The following DLGAP1 variants were observed in gnomAD, a reference collection of about 807,000 sequenced individuals.
The protein encoded by DLGAP1 is disks large-associated protein 1.
A neutral mutation model predicts 90.8 loss-of-function variants in DLGAP1; 11 were observed. The observed-to-expected ratio is 0.12, with a 90% CI of 0.08 to 0.20. DLGAP1 has a LOEUF of 0.20. Ranked by LOEUF, DLGAP1 falls within the 10% of genes least tolerant of loss-of-function variation. The pLI, the probability that DLGAP1 is intolerant of heterozygous loss-of-function variation, is 1.00. For missense variants in DLGAP1, 1,050 were observed against 1,333.8 expected (o/e 0.79, Z 3.31); for synonymous variants, 558 against 540.7 (o/e 1.03, Z -0.44).
intron 12 of DLGAP1, among the ~76,000 whole-genome samples, chr18:3,501,272 C>A (rs1268404600): frequency 6.0e-5 from 9 of 151,044 alleles, no homozygotes; most frequent in Non-Finnish European, 1.2e-4. Flanking sequence ...GCTCTGGAAA[C>A]TAAATTACCA....
At chr18:3,754,819 C>T (rs2147848049) in intron 5 of DLGAP1, among the ~76,000 whole-genome samples, 1 of 151,806 alleles carries the variant, frequency 6.6e-6, no homozygotes, top group South Asian at 2.1e-4. Context: ...TTGCTTGAAC[C>T]CGGGGGTTGG....
At chr18:4,445,364 G>A (rs139414430) in intron 1 of DLGAP1, among the ~76,000 whole-genome samples, 2,422 of 150,284 alleles carry the variant, frequency 0.016, 79 homozygotes, top group African/African-American at 0.052. Flanking sequence ...AGTTACATAC[G>A]TATACATGTG....
chr18:4,107,524 G>T (rs2075890711), intron 2 of DLGAP1, among the ~76,000 whole-genome samples: 1 of 152,108 alleles, frequency 6.6e-6, no homozygotes, highest in Admixed American at 6.5e-5. Flanking sequence ...GGGATTTCAG[G>T]GTTTCTTTCT....
intron 4 of DLGAP1, among the ~76,000 whole-genome samples, chr18:3,846,218 T>G (rs1392363149): frequency 6.6e-6 from 1 of 152,104 alleles, no homozygotes; most frequent in African/African-American, 2.4e-5. Flanking sequence ...CAAGATCACT[T>G]TTAGGTTATC....
At chr18:3,902,712 C>G (rs1015333007) in intron 3 of DLGAP1, among the ~76,000 whole-genome samples, 1 of 152,152 alleles carries the variant, frequency 6.6e-6, no homozygotes, top group African/African-American at 2.4e-5. Context: ...AACTAAAAGA[C>G]ATTTTAGTTT....
chr18:3,850,156 C>A (rs2069253793), intron 4 of DLGAP1, among the ~76,000 whole-genome samples: 5 of 151,836 alleles, frequency 3.3e-5, no homozygotes, highest in Admixed American at 3.3e-4. Context: ...CACTTCAAGT[C>A]AGGAGTTCAA....
intron 7 of DLGAP1, among the ~76,000 whole-genome samples, chr18:3,726,337 C>A (rs2062176759): frequency 6.6e-6 from 1 of 151,956 alleles, no homozygotes; most frequent in Non-Finnish European, 1.5e-5. Flanking sequence ...CTGCATTTTT[C>A]TACAGGAAAT....
rs535136244 is a variant in DLGAP1 at position 3,985,707 on chromosome 18, T to C, written c.-73+19409A>G. Reference sequence around the variant, plus strand: ...TGTAGAAACATCTGCTTTGGGGTTATAGGGAAACTTCTTTCTTTTAAATTT... The same window carrying C: ...TGTAGAAACATCTGCTTTGGGGTTACAGGGAAACTTCTTTCTTTTAAATTT... On this transcript the variant is annotated intron_variant, in intron 3 of 12. Coordinates refer to ENST00000315677, the MANE Select transcript of DLGAP1 (RefSeq NM_004746.4). Among the ~76,000 whole-genome samples, 6 of 152,274 alleles carry C rather than the reference T, an allele frequency of 3.9e-5. No individual in the cohort carries two copies. In the South Asian group the frequency reaches 6.2e-4, roughly 16 times the overall value.
At chr18:4,398,590 G>T (rs919015419) in intron 1 of DLGAP1, among the ~76,000 whole-genome samples, 1 of 152,134 alleles carries the variant, frequency 6.6e-6, no homozygotes, top group Non-Finnish European at 1.5e-5. Context: ...TGATTGCGGG[G>T]GATGGACGTT....
chr18:4,296,357 CA>C (rs1295015119), intron 1 of DLGAP1, among the ~76,000 whole-genome samples: 1 of 152,056 alleles, frequency 6.6e-6, no homozygotes, highest in African/African-American at 2.4e-5. Context: ...GGAGAAGTGA[CA>C]AAGTAGATCC....
Position 4,434,934 on chromosome 18 carries a change from A to G in DLGAP1, c.-267+20072T>C, listed in dbSNP as rs141471712. Among the ~76,000 whole-genome samples the G allele has an allele frequency of 4.3e-3, 660 of 152,342 alleles. 1 individual carries two copies. The highest frequency in any genetic ancestry group is 7.2e-3 in the Non-Finnish European group (489 of 68,028). The stretch of plus-strand genomic sequence containing the variant: ...ACAAGCATAAAACCTCATGATGTAG[A>G]GGAGTATTAAGAGTTAAGGCTGGAA... On this transcript the variant is annotated intron_variant, in intron 1 of 12. Transcript: ENST00000315677.
chr18:3,650,044 G>GT (rs1354995448), intron 7 of DLGAP1, among the ~76,000 whole-genome samples: 2 of 151,730 alleles, frequency 1.3e-5, no homozygotes, highest in Non-Finnish European at 1.5e-5. Context: ...ACTGTTTTTT[G>GT]TTTTTTTATT....
At chr18:3,741,246 C>CCA (rs1279922133) in intron 6 of DLGAP1, among the ~76,000 whole-genome samples, 1 of 122,190 alleles carries the variant, frequency 8.2e-6, no homozygotes. Context: ...ACCACCATCA[C>CCA]CATCACCACC....
intron 4 of DLGAP1, chr18:3,845,259 G>A (rs751258533): frequency 2.5e-6 from 4 of 1,612,886 alleles, no homozygotes; most frequent in Non-Finnish European, 3.4e-6. Context: ...CAAACAGAAT[G>A]TCTTTATGGA....
At chr18:4,130,561 C>T (rs2076298108) in intron 2 of DLGAP1, among the ~76,000 whole-genome samples, 2 of 152,088 alleles carry the variant, frequency 1.3e-5, no homozygotes, top group African/African-American at 4.8e-5. Context: ...AAATGCTTTA[C>T]AATATTAGAA....
At chr18:4,155,561 T>G (rs746704927) in intron 1 of DLGAP1, among the ~76,000 whole-genome samples, 1 of 152,188 alleles carries the variant, frequency 6.6e-6, no homozygotes. Context: ...ATATTTTTCC[T>G]TCCAAAGTAG....
chr18:4,178,833 T>G (rs899057510), intron 1 of DLGAP1, among the ~76,000 whole-genome samples: 13 of 152,158 alleles, frequency 8.5e-5, no homozygotes, highest in African/African-American at 3.1e-4. Context: ...CATTTTAGAG[T>G]ATGAACATAT....
intron 1 of DLGAP1, among the ~76,000 whole-genome samples, chr18:4,284,119 CTA>C (rs1268103373): frequency 4.7e-5 from 7 of 150,434 alleles, no homozygotes; most frequent in Non-Finnish European, 8.8e-5. Context: ...AAGCAATGCA[CTA>C]TGATTATAGG....
At chr18:3,983,367 C>T (rs1022470937) in intron 3 of DLGAP1, 1 of 152,224 alleles carries the variant, frequency 6.6e-6, no homozygotes, top group East Asian at 1.9e-4. Flanking sequence ...TCAACATTCC[C>T]CAAATAAAGC....
Sources: gnomAD v4.1 joint callset for allele counts (sites outside exome capture counted in the v4.1 genomes callset) on GRCh38, gnomAD v4.1.1 for gene constraint, MANE v1.5 for transcripts, NCBI Gene and HGNC (gene_info 2026-07-23, HGNC 2026-07-21) for gene names.